ZHX2: variants seen among roughly 807,000 people sequenced by gnomAD.
ZHX2 encodes zinc fingers and homeoboxes protein 2.
In ZHX2, 6 loss-of-function variants were observed where a neutral mutation model predicts 21.9. The observed-to-expected ratio is 0.27, with a 90% CI of 0.15 to 0.54. The LOEUF is 0.54. ZHX2 is among the 20% of genes least tolerant of loss of function. The pLI is 0.95. For missense variants in ZHX2, 908 were observed against 1,090.7 expected, an observed-to-expected ratio of 0.83 and a Z score of 2.36; for synonymous variants, 434 against 437.1, an observed-to-expected ratio of 0.99 and a Z score of 0.09.
intron 1 of ZHX2, among the ~76,000 whole-genome samples, chr8:122,799,119 C>T (rs1183453596): frequency 6.6e-6 from 1 of 152,228 alleles, no homozygotes; most frequent in Non-Finnish European, 1.5e-5. Flanking sequence ...CTCCTTTACA[C>T]TTACATGAAG....
chr8:122,788,337 C>T (rs1173740714), intron 1 of ZHX2, among the ~76,000 whole-genome samples: 1 of 152,150 alleles, frequency 6.6e-6, no homozygotes, highest in African/African-American at 2.4e-5. Context: ...GCAGGTGGAT[C>T]GCTTGAGCTC....
At chr8:122,811,129 C>T (rs1231569601) in intron 1 of ZHX2, among the ~76,000 whole-genome samples, 4 of 152,104 alleles carry the variant, frequency 2.6e-5, no homozygotes, top group African/African-American at 9.7e-5. Flanking sequence ...CCTGTAATCC[C>T]GGCACTTTGG....
At chr8:122,852,773 A>G (rs1818931831) in intron 1 of ZHX2, among the ~76,000 whole-genome samples, 1 of 152,152 alleles carries the variant, frequency 6.6e-6, no homozygotes, top group South Asian at 2.1e-4. Flanking sequence ...GGGCTAAGCT[A>G]TGGGCTTCCT....
At chr8:122,913,827 G>T (rs1472898050) in intron 2 of ZHX2, among the ~76,000 whole-genome samples, 1 of 152,192 alleles carries the variant, frequency 6.6e-6, no homozygotes, top group Non-Finnish European at 1.5e-5. Flanking sequence ...TATGACAAAG[G>T]AAGGGTTATG....
At chr8:122,858,634 CTTTCTTTTT>C (rs1484840975) in intron 1 of ZHX2, among the ~76,000 whole-genome samples, 3 of 124,054 alleles carry the variant, frequency 2.4e-5, no homozygotes, top group Admixed American at 1.6e-4. Flanking sequence ...TTTTTTCTTT[CTTTCTTTTT>C]TTTTTTTTTT....
At chr8:122,848,549 G>A (rs556156878) in intron 1 of ZHX2, among the ~76,000 whole-genome samples, 1 of 152,230 alleles carries the variant, frequency 6.6e-6, no homozygotes, top group Non-Finnish European at 1.5e-5. Flanking sequence ...TCGGTTTTGT[G>A]TGGGAAGACG....
At chr8:122,930,538 C>T (rs924767407) in intron 2 of ZHX2, among the ~76,000 whole-genome samples, 25 of 148,322 alleles carry the variant, frequency 1.7e-4, no homozygotes, top group Admixed American at 6.3e-4. Flanking sequence ...TGGTGCATCC[C>T]ACACGTGTCC....
intron 2 of ZHX2, among the ~76,000 whole-genome samples, chr8:122,932,973 A>G (rs1381473938): frequency 6.6e-6 from 1 of 152,174 alleles, no homozygotes; most frequent in Non-Finnish European, 1.5e-5. Context: ...TCTATCAGAG[A>G]ATAAGAGTAA....
At chr8:122,851,344 G>A (rs1422462377) in intron 1 of ZHX2, among the ~76,000 whole-genome samples, 5 of 152,220 alleles carry the variant, frequency 3.3e-5, no homozygotes. Flanking sequence ...GACGTGTTAA[G>A]TTTGGGAAGT....
intron 2 of ZHX2, among the ~76,000 whole-genome samples, chr8:122,870,812 T>C (rs1819414544): frequency 6.6e-6 from 1 of 151,854 alleles, no homozygotes. Flanking sequence ...ACAGCAGAAA[T>C]GGAGTGGGGA....
chr8:122,969,053 C>T (rs1039222163), intron 3 of ZHX2, among the ~76,000 whole-genome samples: 5 of 150,664 alleles, frequency 3.3e-5, no homozygotes, highest in Non-Finnish European at 7.4e-5. Context: ...TCCAGCCATT[C>T]GGGAGGCTGA....
At chr8:122,871,003 C>T (rs1406714630) in intron 2 of ZHX2, among the ~76,000 whole-genome samples, 1 of 152,096 alleles carries the variant, frequency 6.6e-6, no homozygotes, top group East Asian at 1.9e-4. Context: ...GCTCTGGAAG[C>T]GTTGCATTTG....
At chr8:122,924,955 T>C (rs983776724) in intron 2 of ZHX2, among the ~76,000 whole-genome samples, 3 of 152,194 alleles carry the variant, frequency 2.0e-5, no homozygotes, top group Admixed American at 6.5e-5. Flanking sequence ...TCCTTTGAAG[T>C]TGAGTCAGTG....
At chr8:122,929,127 T>C (rs1164997793) in intron 2 of ZHX2, among the ~76,000 whole-genome samples, 1 of 152,192 alleles carries the variant, frequency 6.6e-6, no homozygotes, top group African/African-American at 2.4e-5. Context: ...GAAATGCACT[T>C]TCCCTCAAAC....
In ZHX2 at chr8:122,782,429, C is replaced by G. The variant is rs1452641780; in HGVS notation, c.-283+483C>G. On this transcript the variant is annotated intron_variant, in intron 1 of 3. Transcript: ENST00000314393. The surrounding 1 kb of genome is among the most constrained non-coding windows in gnomAD (Gnocchi z 5.3). ...GGCGCTTTGTGCAAACGGGGCAGGT[C>G]CCGCGGGGACTCCACCGGGACGTGG... Among the ~76,000 whole-genome samples the G allele has an allele frequency of 6.6e-6, 1 of 152,150 alleles. No homozygotes were observed. Among genetic ancestry groups the G allele is most frequent in the African/African-American group, 2.4e-5 (1 of 41,456 alleles).
intron 1 of ZHX2, among the ~76,000 whole-genome samples, chr8:122,836,325 G>A (rs1341326835): frequency 6.6e-6 from 1 of 152,218 alleles, no homozygotes; most frequent in African/African-American, 2.4e-5. Flanking sequence ...AGTGACCGAT[G>A]TGCATGCACA....
Position 122,828,895 on chromosome 8 carries a change from A to G in ZHX2, c.-282-34582A>G, listed in dbSNP as rs772479371. 6.6e-6 allele frequency among the ~76,000 whole-genome samples: 1 copy of G among 151,994 alleles called. No homozygotes were observed. Among genetic ancestry groups the G allele is most frequent in the Admixed American group, 6.5e-5 (1 of 15,284 alleles). On this transcript the variant is annotated intron_variant, in intron 1 of 3. Transcript: ENST00000314393. The surrounding 1 kb of genome is among the most constrained non-coding windows in gnomAD (Gnocchi z 5.2). ...ACAGAGTACCCAGGAGATGGCAGAT[A>G]ATAATTCATTTATTTATCCACTACA... is the stretch of plus-strand genomic sequence containing the variant.
intron 1 of ZHX2, among the ~76,000 whole-genome samples, chr8:122,823,998 T>C (rs1481908082): frequency 2.0e-5 from 3 of 152,230 alleles, no homozygotes; most frequent in African/African-American, 4.8e-5. Context: ...AATGAACACA[T>C]GAATCAATTC....
In ZHX2 at chr8:122,782,074, T is replaced by C. The variant is rs1817298791; in HGVS notation, c.-283+128T>C. Reference sequence around the variant, plus strand: ...CCGTCGCCGCCGCGGCTCCCGAAAATGTGTTGTTAATGGGACTTGGCCGGG... The same window carrying C: ...CCGTCGCCGCCGCGGCTCCCGAAAACGTGTTGTTAATGGGACTTGGCCGGG... On this transcript the variant is annotated intron_variant, in intron 1 of 3. Transcript: ENST00000314393. This position sits in a 1 kb window ranked among gnomAD's most constrained non-coding sequence, Gnocchi z 5.3. 8.5e-6 allele frequency: 1 copy of C among 118,032 alleles called. No individual in the cohort carries two copies. The highest frequency in any genetic ancestry group is 1.1e-4 in the Admixed American group (1 of 9,064). 7.3% of individuals were successfully genotyped at this position (118,032 alleles called of 1,614,324 possible).
Sources: allele counts gnomAD v4.1 joint callset (sites outside exome capture counted in the v4.1 genomes callset), GRCh38; gene constraint gnomAD v4.1.1; non-coding constraint Gnocchi (gnomAD v3.1); transcripts MANE v1.5; gene names NCBI Gene and HGNC (gene_info 2026-07-23, HGNC 2026-07-21).